Variants in HS6ST2 observed in about 807,000 individuals in gnomAD.
The protein encoded by HS6ST2 is heparan sulfate 6-O-sulfotransferase 2, also known as heparan-sulfate 6-O-sulfotransferase 2.
A neutral mutation model predicts 33.0 loss-of-function variants in HS6ST2; 17 were observed. The observed-to-expected ratio is 0.52, with a 90% CI of 0.35 to 0.77. The LOEUF (loss-of-function observed/expected upper bound fraction) is 0.77, where lower values mean the gene tolerates loss of function less well. HS6ST2 is among the 30% of genes least tolerant of loss of function. HS6ST2 has a pLI of 0.01. For synonymous variants in HS6ST2, 248 were observed against 237.1 expected (o/e 1.05, Z -0.42); for missense variants, 519 against 551.7 (o/e 0.94, Z 0.59).
chrX:132,854,933 C>G (rs1217391292), intron 2 of HS6ST2, among the ~76,000 whole-genome samples: 2 of 112,246 alleles, frequency 1.8e-5, no homozygotes, highest in African/African-American at 6.5e-5. Context: ...TTCCGTCTGG[C>G]CTTTTGATAA....
intron 2 of HS6ST2, among the ~76,000 whole-genome samples, chrX:132,852,798 T>C (rs2065816447): frequency 8.9e-6 from 1 of 112,153 alleles, no homozygotes; most frequent in South Asian, 3.7e-4. Context: ...GTTCAGTCCC[T>C]TAAGTATCAG....
chrX:132,904,610 C>T lies in HS6ST2; in HGVS notation c.947+52198G>A, dbSNP rs185136246. 2.0e-3 allele frequency among the ~76,000 whole-genome samples: 216 copies of T among 107,623 alleles called. 2 individuals are homozygous for T. Among genetic ancestry groups the T allele is most frequent in the African/African-American group, 7.1e-3 (210 of 29,410 alleles). The allele number at this position is 107,623 out of a possible 115,157, so 93.5% of individuals were successfully genotyped here. The stretch of plus-strand genomic sequence containing the variant: ...TCAGGCCGTAATGCAGTGGCACAAC[C>T]TCGAACTCCTGGGCTCAAGGCACCC... On this transcript the variant is annotated intron_variant, in intron 2 of 4. Coordinates refer to ENST00000370833, the MANE Select transcript of HS6ST2 (RefSeq NM_001394073.1).
chrX:132,726,146 T>C, intron 2 of HS6ST2, among the ~76,000 whole-genome samples: 1 of 70,042 alleles, frequency 1.4e-5, no homozygotes, highest in African/African-American at 6.3e-5. Context: ...ATTGTACCCT[T>C]TAAAATAACT....
intron 2 of HS6ST2, among the ~76,000 whole-genome samples, chrX:132,943,358 G>C (rs1329929890): frequency 9.0e-6 from 1 of 111,681 alleles, no homozygotes; most frequent in African/African-American, 3.3e-5. Flanking sequence ...TGAAGATTTA[G>C]GAGGTTATGT....
chrX:132,780,826 T>A (rs2065011025), intron 2 of HS6ST2, among the ~76,000 whole-genome samples: 1 of 111,905 alleles, frequency 8.9e-6, no homozygotes, highest in South Asian at 3.8e-4. Flanking sequence ...AGCCTCAAGA[T>A]GACTGGAAAA....
At chrX:132,910,086 C>T (rs1356724970) in intron 2 of HS6ST2, among the ~76,000 whole-genome samples, 1 of 111,796 alleles carries the variant, frequency 8.9e-6, no homozygotes, top group Non-Finnish European at 1.9e-5. Flanking sequence ...GTTCGCTCTA[C>T]CATTTGCCAT....
At position 132,790,811 on chromosome X, in the gene HS6ST2, T is replaced by A. The variant is rs147652271; in HGVS notation, c.948-82317A>T. On this transcript the variant is annotated intron_variant, in intron 2 of 4. Transcript: ENST00000370833. ...GACAATGGTTAAACTTTAAAATGCC[T>A]ATTACATTTTCTTACATGTTGGTGA... Among the ~76,000 whole-genome samples, 447 of 112,199 alleles carry A rather than the reference T, an allele frequency of 4.0e-3. 1 individual carries two copies. The highest frequency in any genetic ancestry group is 0.013 in the African/African-American group (398 of 30,948).
chrX:132,896,867 A>G (rs1203993920), intron 2 of HS6ST2, among the ~76,000 whole-genome samples: 1 of 112,139 alleles, frequency 8.9e-6, no homozygotes, highest in Non-Finnish European at 1.9e-5. Context: ...TAGGGGTGCT[A>G]TGTCATAAAC....
chrX:132,761,758 C>T (rs1030642992), intron 2 of HS6ST2, among the ~76,000 whole-genome samples: 1 of 111,749 alleles, frequency 8.9e-6, no homozygotes, highest in Non-Finnish European at 1.9e-5. Context: ...AGCCACTTCC[C>T]GTAGAGTGAC....
intron 4 of HS6ST2, among the ~76,000 whole-genome samples, chrX:132,657,392 G>A (rs914390662): frequency 3.6e-5 from 4 of 109,887 alleles, no homozygotes; most frequent in African/African-American, 1.3e-4. Flanking sequence ...ATGAATAGTC[G>A]GTGAGACACT....
intron 4 of HS6ST2, among the ~76,000 whole-genome samples, chrX:132,650,801 G>T (rs376295151): frequency 2.1e-4 from 22 of 104,340 alleles, no homozygotes; most frequent in East Asian, 1.5e-3. Flanking sequence ...AAGAGATGAG[G>T]TCTCACTCTA....
intron 2 of HS6ST2, among the ~76,000 whole-genome samples, chrX:132,843,090 T>C (rs2065721825): frequency 9.0e-6 from 1 of 111,689 alleles, no homozygotes; most frequent in Non-Finnish European, 1.9e-5. Flanking sequence ...TGGCTCACAC[T>C]ATCTTCCTCA....
chrX:132,936,640 A>G (rs145657912), intron 2 of HS6ST2, among the ~76,000 whole-genome samples: 1,529 of 111,532 alleles, frequency 0.014, 24 homozygotes, highest in East Asian at 0.098. Flanking sequence ...TATAAGTGAG[A>G]GCTAAACACT....
chrX:132,759,104 G>T (rs1258616454), intron 2 of HS6ST2, among the ~76,000 whole-genome samples: 1 of 111,712 alleles, frequency 9.0e-6, no homozygotes, highest in Non-Finnish European at 1.9e-5. Context: ...CTTGGAATGT[G>T]GCAAGATGGA....
chrX:132,759,812 G>A (rs752103966), intron 2 of HS6ST2, among the ~76,000 whole-genome samples: 4 of 111,870 alleles, frequency 3.6e-5, no homozygotes, highest in East Asian at 5.6e-4. Flanking sequence ...AGATCACCAC[G>A]CTTAATGATA....
rs150819889 is a variant in HS6ST2 at position 132,634,080 on chromosome X, T to G, written c.1068-4987A>C. On this transcript the variant is annotated intron_variant, in intron 4 of 4. Transcript: ENST00000370833. ...GTCAGGAACTGATGCAGTGTATTTG[T>G]GGCCCTGTTTAATCTCTTCTTGATG... Among the ~76,000 whole-genome samples the G allele has an allele frequency of 7.1e-3, 800 of 112,429 alleles. 11 individuals are homozygous for G. The highest frequency in any genetic ancestry group is 0.025 in the African/African-American group (768 of 30,963).
chrX:132,679,786 C>A (rs893828035), intron 3 of HS6ST2, among the ~76,000 whole-genome samples: 1 of 108,432 alleles, frequency 9.2e-6, no homozygotes, highest in Non-Finnish European at 1.9e-5. Flanking sequence ...CACCCCCAGG[C>A]GCGTATTCTC....
chrX:132,742,568 T>G (rs756581119), intron 2 of HS6ST2, among the ~76,000 whole-genome samples: 1 of 112,167 alleles, frequency 8.9e-6, no homozygotes, highest in African/African-American at 3.2e-5. Flanking sequence ...GAGCCATTGT[T>G]GTGTATCCTC....
chrX:132,664,213 G>A (rs936037510), intron 4 of HS6ST2, among the ~76,000 whole-genome samples: 1 of 111,391 alleles, frequency 9.0e-6, no homozygotes, highest in African/African-American at 3.3e-5. Flanking sequence ...GTTTCACTGT[G>A]TTAGACAGGG....
Sources: allele counts gnomAD v4.1 joint callset (sites outside exome capture counted in the v4.1 genomes callset), GRCh38; gene constraint gnomAD v4.1.1; transcripts MANE v1.5; gene names NCBI Gene and HGNC (gene_info 2026-07-23, HGNC 2026-07-21).